Variants in SMYD3 observed in about 807,000 individuals in gnomAD.
SMYD3 encodes the protein SET and MYND domain containing 3.
A neutral mutation model predicts 57.7 loss-of-function variants in SMYD3; 36 were observed. The observed-to-expected ratio is 0.62, with a 90% CI of 0.48 to 0.82. SMYD3 has a LOEUF of 0.82. SMYD3 is among the 40% of genes least tolerant of loss of function. The pLI is 0.00. For missense variants in SMYD3, 515 were observed against 538.8 expected (o/e 0.96, Z 0.44); for synonymous variants, 211 against 195.0 (o/e 1.08, Z -0.68).
At position 246,202,020 on chromosome 1, in the gene SMYD3, A is replaced by C. The variant is rs1449990415; in HGVS notation, c.531+125181T>G. ...AGAGACTCTGTCTCAATTTAAAAAA[A>C]AAAAACAAAAAAAAGCCATTTTTAA... On this transcript the variant is annotated intron_variant, in intron 5 of 11. Coordinates refer to ENST00000490107, the MANE Select transcript of SMYD3 (RefSeq NM_001167740.2). This position sits in a 1 kb window ranked among gnomAD's most constrained non-coding sequence, Gnocchi z 4.1. 1.3e-5 allele frequency among the ~76,000 whole-genome samples: 2 copies of C among 151,998 alleles called. No homozygotes were observed. The highest frequency in any genetic ancestry group is 2.9e-5 in the Non-Finnish European group (2 of 68,012).
chr1:246,290,400 A>C (rs2064666306), intron 5 of SMYD3, among the ~76,000 whole-genome samples: 1 of 152,220 alleles, frequency 6.6e-6, no homozygotes, highest in African/African-American at 2.4e-5. Flanking sequence ...GGGAAGAGAT[A>C]TATGGTTAAT....
chr1:245,774,343 C>A (rs563127749), intron 10 of SMYD3, among the ~76,000 whole-genome samples: 1 of 152,138 alleles, frequency 6.6e-6, no homozygotes, highest in Non-Finnish European at 1.5e-5. Flanking sequence ...CAGAAGGAAA[C>A]AGATTACATG....
intron 5 of SMYD3, among the ~76,000 whole-genome samples, chr1:246,174,648 T>C (rs2148260389): frequency 6.6e-6 from 1 of 152,316 alleles, no homozygotes; most frequent in South Asian, 2.1e-4. Context: ...GGTTTCACTA[T>C]GTTGGCCAGG....
intron 5 of SMYD3, among the ~76,000 whole-genome samples, chr1:246,014,278 C>T (rs2059338556): frequency 6.6e-6 from 1 of 152,176 alleles, no homozygotes; most frequent in Non-Finnish European, 1.5e-5. Context: ...GCCGAGATTG[C>T]GGCATTGCAC....
At chr1:246,051,751 T>C (rs1392990659) in intron 5 of SMYD3, among the ~76,000 whole-genome samples, 1 of 152,190 alleles carries the variant, frequency 6.6e-6, no homozygotes, top group African/African-American at 2.4e-5. Flanking sequence ...AATGTTCAAA[T>C]AGTATATAGG....
chr1:246,126,874 A>C (rs1240248972), intron 5 of SMYD3, among the ~76,000 whole-genome samples: 1 of 152,232 alleles, frequency 6.6e-6, no homozygotes, highest in African/African-American at 2.4e-5. Flanking sequence ...TTTTCTTTAT[A>C]TTAAAATTGT....
intron 5 of SMYD3, among the ~76,000 whole-genome samples, chr1:246,134,108 G>A (rs1015329483): frequency 6.6e-6 from 1 of 151,968 alleles, no homozygotes; most frequent in Non-Finnish European, 1.5e-5. Context: ...ATATCACATC[G>A]CCTACACCTA....
At chr1:246,501,451 C>G (rs1379707625) in intron 1 of SMYD3, among the ~76,000 whole-genome samples, 1 of 152,172 alleles carries the variant, frequency 6.6e-6, no homozygotes, top group Admixed American at 6.5e-5. Context: ...TCTGCCACAC[C>G]CCGTACCTGT....
chr1:245,930,537 C>T (rs138100236), intron 5 of SMYD3: 8 of 179,564 alleles, frequency 4.5e-5, no homozygotes, highest in East Asian at 3.1e-4. Flanking sequence ...TATGCAGGGA[C>T]GGAGCAGAAG....
chr1:245,937,494 A>C (rs1172082743), intron 5 of SMYD3, among the ~76,000 whole-genome samples: 1 of 152,214 alleles, frequency 6.6e-6, no homozygotes, highest in Non-Finnish European at 1.5e-5. Flanking sequence ...AAGCCATCTG[A>C]TGAAACAAGC....
chr1:246,072,462 G>A lies in SMYD3; in HGVS notation c.532-142525C>T, dbSNP rs545274107. Among the ~76,000 whole-genome samples the A allele has an allele frequency of 5.6e-4, 85 of 152,138 alleles. 1 individual carries two copies. The highest frequency in any genetic ancestry group is 1.1e-3 in the Non-Finnish European group (78 of 68,010). ...CCGCTGTGCTCAGTGTGGATGAATC[G>A]TGTTAGTTCTATCATGTTAGACAGG... is the stretch of plus-strand genomic sequence containing the variant. On this transcript the variant is annotated intron_variant, in intron 5 of 11. Coordinates refer to ENST00000490107, the MANE Select transcript of SMYD3 (RefSeq NM_001167740.2).
At chr1:245,788,179 G>T (rs998770460) in intron 10 of SMYD3, among the ~76,000 whole-genome samples, 3 of 151,952 alleles carry the variant, frequency 2.0e-5, no homozygotes, top group African/African-American at 7.3e-5. Context: ...CTAGCACAGG[G>T]AACAGGGCAA....
intron 5 of SMYD3, among the ~76,000 whole-genome samples, chr1:246,227,682 G>A (rs1348877369): frequency 2.0e-5 from 3 of 152,118 alleles, no homozygotes; most frequent in Non-Finnish European, 4.4e-5. Flanking sequence ...AGTGGTGGAT[G>A]AAACTCCGTC....
chr1:246,246,598 T>C (rs1046546616), intron 5 of SMYD3, among the ~76,000 whole-genome samples: 6 of 152,154 alleles, frequency 3.9e-5, no homozygotes, highest in Non-Finnish European at 7.4e-5. Context: ...TTCAAATTCA[T>C]AAATAAATTA....
At chr1:246,315,749 C>T (rs2065145171) in intron 5 of SMYD3, among the ~76,000 whole-genome samples, 2 of 152,190 alleles carry the variant, frequency 1.3e-5, no homozygotes, top group African/African-American at 2.4e-5. Flanking sequence ...ACATTAGGTA[C>T]TAAACACAGA....
intron 5 of SMYD3, among the ~76,000 whole-genome samples, chr1:246,064,580 C>T (rs2060308988): frequency 6.6e-6 from 1 of 152,224 alleles, no homozygotes; most frequent in Non-Finnish European, 1.5e-5. Flanking sequence ...GCATTTATCC[C>T]ACTGCACTGC....
intron 10 of SMYD3, among the ~76,000 whole-genome samples, chr1:245,765,989 T>C (rs1221959243): frequency 1.3e-5 from 2 of 152,218 alleles, no homozygotes; most frequent in Non-Finnish European, 1.5e-5. Context: ...ATCTTAACTC[T>C]TCCTCCCATG....
intron 5 of SMYD3, among the ~76,000 whole-genome samples, chr1:246,295,004 T>C (rs937944560): frequency 2.0e-5 from 3 of 152,220 alleles, no homozygotes; most frequent in South Asian, 2.1e-4. Context: ...ATAAATCTAA[T>C]ATGTTGCATA....
chr1:245,770,303 T>C (rs2046285368), intron 10 of SMYD3, among the ~76,000 whole-genome samples: 1 of 152,156 alleles, frequency 6.6e-6, no homozygotes, highest in Admixed American at 6.5e-5. Flanking sequence ...GCAATATTTT[T>C]GGCAGTCTCA....
Sources: gnomAD v4.1 joint callset for allele counts (sites outside exome capture counted in the v4.1 genomes callset) on GRCh38, gnomAD v4.1.1 for gene constraint, Gnocchi (gnomAD v3.1) non-coding constraint, MANE v1.5 for transcripts, NCBI Gene and HGNC (gene_info 2026-07-23, HGNC 2026-07-21) for gene names.